The following LIPI variants were observed in gnomAD, a reference collection of about 807,000 sequenced individuals.
LIPI encodes lipase I.
LIPI carries 59 observed loss-of-function variants against 50.6 expected under a neutral mutation model. The observed-to-expected ratio is 1.16, with a 90% CI of 0.94 to 1.45. The LOEUF (loss-of-function observed/expected upper bound fraction) is 1.45. LIPI is among the 40% of genes most tolerant of loss of function. The pLI is 0.00. For synonymous variants in LIPI, 203 were observed against 178.2 expected (o/e 1.14, Z -1.11); for missense variants, 586 against 536.3 (o/e 1.09, Z -0.92).
In LIPI at chr21:14,147,891, G is replaced by A. The variant is rs142935113; in HGVS notation, c.1119-3092C>T. ...CCCACTGATTTGGATCCAGGCTCAT[G>A]TTATCTTTCATATGAATTATCACAG... On this transcript the variant is annotated intron_variant, in intron 8 of 9. Coordinates refer to ENST00000681601, the MANE Select transcript of LIPI (RefSeq NM_001302998.2). 3.6e-4 allele frequency among the ~76,000 whole-genome samples: 55 copies of A among 152,168 alleles called. No homozygotes were observed. The East Asian group carries it at 8.1e-3, about 22-fold the overall frequency.
chr21:14,166,500 G>A, intron 4 of LIPI, 49 bp from the exon 5 acceptor site: 1 of 964,316 alleles, frequency 1.0e-6, no homozygotes, highest in Non-Finnish European at 1.7e-6. Context: ...AATCAGGTGA[G>A]TATCTTGCAT....
intron 1 of LIPI, among the ~76,000 whole-genome samples, chr21:14,201,967 T>C (rs1470597282): frequency 2.6e-5 from 4 of 152,216 alleles, no homozygotes; most frequent in African/African-American, 9.6e-5. Flanking sequence ...CTCCTTAAGC[T>C]GATAGGCAAC....
chr21:14,127,351 A>T (rs2017105913), intron 9 of LIPI, among the ~76,000 whole-genome samples: 1 of 152,200 alleles, frequency 6.6e-6, no homozygotes, highest in South Asian at 2.1e-4. Flanking sequence ...TTAAGCATAC[A>T]TTGATCCAAA....
At chr21:14,152,251 C>T (rs1463949906) in intron 8 of LIPI, among the ~76,000 whole-genome samples, 2 of 152,102 alleles carry the variant, frequency 1.3e-5, no homozygotes, top group African/African-American at 4.8e-5. Flanking sequence ...CAGGCACGTG[C>T]CACCATGCCC....
At chr21:14,208,911 C>A (rs1402651177) in intron 1 of LIPI, among the ~76,000 whole-genome samples, 3 of 152,024 alleles carry the variant, frequency 2.0e-5, no homozygotes, top group Non-Finnish European at 2.9e-5. Flanking sequence ...ATTAGCCAGG[C>A]GTGGTGGTGT....
intron 3 of LIPI, among the ~76,000 whole-genome samples, chr21:14,183,814 A>T (rs1248371006): frequency 6.6e-6 from 1 of 152,330 alleles, no homozygotes; most frequent in Admixed American, 6.5e-5. Context: ...ATCATTAAAA[A>T]GTCAGGAAAC....
chr21:14,165,400 T>A lies in LIPI; in HGVS notation c.734-10A>T. 1.4e-6 allele frequency: 2 copies of A among 1,479,796 alleles called. No individual in the cohort carries two copies. The highest frequency in any genetic ancestry group is 1.4e-5 in the African/African-American group (1 of 70,160). The allele number at this position is 1,479,796 out of a possible 1,614,324, so 91.7% of individuals were successfully genotyped here. On this transcript the variant is annotated splice_polypyrimidine_tract_variant and intron_variant, in intron 5 of 9. Transcript: ENST00000681601. ...TTAATGAATTGAATTCCTTAAGGGT[T>A]AAAAAAAAAACAAAGAACTGTAGAT...
At chr21:14,115,403 G>A (rs759413568) in intron 9 of LIPI, among the ~76,000 whole-genome samples, 1 of 151,384 alleles carries the variant, frequency 6.6e-6, no homozygotes, top group Non-Finnish European at 1.5e-5. Flanking sequence ...AGCTTAAAAG[G>A]TGGCTGCTTT....
At chr21:14,150,180 C>T (rs1172817008) in intron 8 of LIPI, among the ~76,000 whole-genome samples, 1 of 152,144 alleles carries the variant, frequency 6.6e-6, no homozygotes, top group Non-Finnish European at 1.5e-5. Flanking sequence ...CTGCAACCTA[C>T]AGAACCAACA....
chr21:14,161,569 TTA>T (rs72344831), intron 7 of LIPI, among the ~76,000 whole-genome samples: 30,255 of 113,552 alleles, frequency 0.27, 4,839 homozygotes, highest in Middle Eastern at 0.33. Context: ...ATTATATCTA[TTA>T]TATATATAAT....
chr21:14,177,811 C>T (rs537348407), intron 4 of LIPI, among the ~76,000 whole-genome samples: 9 of 152,150 alleles, frequency 5.9e-5, no homozygotes, highest in African/African-American at 1.9e-4. Flanking sequence ...TTAACTAGTT[C>T]ATTGTTCTTC....
chr21:14,186,901 C>G (rs13046593), intron 2 of LIPI, among the ~76,000 whole-genome samples: 18,770 of 152,104 alleles, frequency 0.12, 1,376 homozygotes, highest in Admixed American at 0.19. Context: ...GACCCTGAAA[C>G]TATGAGAAAT....
chr21:14,179,308 A>G (rs1189350710), intron 4 of LIPI, among the ~76,000 whole-genome samples: 2 of 152,076 alleles, frequency 1.3e-5, no homozygotes, highest in Admixed American at 6.6e-5. Flanking sequence ...TGCTGAGTCC[A>G]CGCATATCAT....
chr21:14,186,087 G>A lies in LIPI; in HGVS notation c.433-18C>T, dbSNP rs1263196088. On this transcript the variant is annotated intron_variant, in intron 2 of 9. Coordinates refer to ENST00000681601, the MANE Select transcript of LIPI (RefSeq NM_001302998.2). ...CCATGCTTCTGCAATTAAAGAGAAA[G>A]GCAATATTACAGTATTCATTTCAAG... The A allele has an allele frequency of 7.6e-7, 1 of 1,316,094 alleles. No individual in the cohort carries two copies. Among genetic ancestry groups the A allele is most frequent in the Admixed American group, 1.7e-5 (1 of 59,644 alleles). 81.5% of individuals were successfully genotyped at this position (1,316,094 alleles called of 1,614,324 possible). A position where few individuals can be genotyped will look rare whatever the true frequency, so the allele number is the denominator to read the frequency against.
chr21:14,201,473 GAA>G (rs1307423086), intron 1 of LIPI, among the ~76,000 whole-genome samples: 3 of 151,706 alleles, frequency 2.0e-5, no homozygotes, highest in African/African-American at 7.3e-5. Context: ...AGCACATCAA[GAA>G]GCTTATCCAC....
At chr21:14,112,670 G>A (rs962526082) in intron 9 of LIPI, among the ~76,000 whole-genome samples, 1 of 151,870 alleles carries the variant, frequency 6.6e-6, no homozygotes, top group Admixed American at 6.6e-5. Flanking sequence ...CTTTGAGAAT[G>A]TTATATTAAT....
chr21:14,199,579 A>C (rs886130627), intron 1 of LIPI, among the ~76,000 whole-genome samples: 3 of 151,744 alleles, frequency 2.0e-5, no homozygotes, highest in Non-Finnish European at 4.4e-5. Flanking sequence ...ATGAGCTCTG[A>C]AATTTAGGAA....
chr21:14,150,918 C>G (rs554058060), intron 8 of LIPI, among the ~76,000 whole-genome samples: 1 of 152,230 alleles, frequency 6.6e-6, no homozygotes, highest in African/African-American at 2.4e-5. Flanking sequence ...TCTTTCACTA[C>G]CAGTTCTATA....
intron 1 of LIPI, among the ~76,000 whole-genome samples, chr21:14,196,147 C>A (rs1334879771): frequency 2.5e-5 from 3 of 121,060 alleles, no homozygotes; most frequent in Admixed American, 8.7e-5. Context: ...TTACATGACA[C>A]CAAATTGTAA....
Sources: gnomAD v4.1 joint callset for allele counts (sites outside exome capture counted in the v4.1 genomes callset) on GRCh38, gnomAD v4.1.1 for gene constraint, MANE v1.5 for transcripts, NCBI Gene and HGNC (gene_info 2026-07-23, HGNC 2026-07-21) for gene names.